GABPA: variants seen among roughly 807,000 people sequenced by gnomAD.
GABPA encodes the protein GA binding protein transcription factor subunit alpha, also known as GA-binding protein alpha chain.
GABPA carries 4 observed loss-of-function variants against 59.4 expected under a neutral mutation model. That is an observed-to-expected ratio of 0.07 (90% CI 0.03 to 0.15). The LOEUF (loss-of-function observed/expected upper bound fraction) is 0.15. Among genes scored for constraint, GABPA ranks in the 10% least tolerant of loss-of-function variants. GABPA has a pLI of 1.00. For missense variants in GABPA, 251 were observed against 543.8 expected, an observed-to-expected ratio of 0.46 and a Z score of 5.36; for synonymous variants, 164 against 183.1, an observed-to-expected ratio of 0.90 and a Z score of 0.84.
chr21:25,770,380 GA>G lies in GABPA; in HGVS notation c.*1153del, dbSNP rs1365693079. On this transcript the variant is annotated 3_prime_UTR_variant, in exon 10 of 10. Transcript: ENST00000400075. ...TATGAAGGCATAAAGATATACAGAA[GA>G]AAAATTATTAAACAACTCATTTTAA... 1.3e-5 allele frequency: 2 copies of G among 152,070 alleles called. No individual in the cohort carries two copies. The highest frequency in any genetic ancestry group is 2.9e-5 in the Non-Finnish European group (2 of 67,948). The allele number at this position is 152,070 out of a possible 1,614,324, so 9.4% of individuals were successfully genotyped here. A position where few individuals can be genotyped will look rare whatever the true frequency, so the allele number is the denominator to read the frequency against.
rs757936287 is a variant in GABPA at position 25,758,163 on chromosome 21, G to A, written c.707G>A (p.Arg236Gln). The stretch of plus-strand genomic sequence containing the variant: ...GAAGATTTTTTTCAGCGGGTTCCTC[G>A]GGGAGAAATTCTCTGGAGTCATCTG... ...NQEDFFQRVP[R>Q]GEILWSHLEL... Residue 236 changes from arginine (R) to glutamine (Q), a missense_variant, in exon 6 of 10, where the codon CGG (arginine) becomes CAG (glutamine). Coordinates refer to ENST00000400075, the MANE Select transcript of GABPA (RefSeq NM_002040.4). 5.6e-6 allele frequency: 9 copies of A among 1,607,588 alleles called. No individual in the cohort carries two copies. The highest frequency in any genetic ancestry group is 2.2e-5 in the East Asian group (1 of 44,498).
intron 2 of GABPA, among the ~76,000 whole-genome samples, chr21:25,743,305 C>A (rs1204017455): frequency 6.6e-6 from 1 of 152,168 alleles, no homozygotes; most frequent in East Asian, 1.9e-4. Flanking sequence ...GTCACACAGT[C>A]CAACCCTAGT....
chr21:25,753,995 A>G (rs1470451915), intron 5 of GABPA, among the ~76,000 whole-genome samples: 4 of 152,174 alleles, frequency 2.6e-5, no homozygotes, highest in Non-Finnish European at 5.9e-5. Context: ...AAAGAGAGCT[A>G]TGGAACCAGA....
At chr21:25,740,572 G>A (rs1192602265) in intron 1 of GABPA, among the ~76,000 whole-genome samples, 2 of 152,202 alleles carry the variant, frequency 1.3e-5, no homozygotes, top group Non-Finnish European at 2.9e-5. Context: ...TTAGCTATTT[G>A]TGTATTCTTT....
intron 4 of GABPA, among the ~76,000 whole-genome samples, chr21:25,751,284 T>C (rs1490208997): frequency 6.6e-6 from 1 of 151,386 alleles, no homozygotes; most frequent in Non-Finnish European, 1.5e-5. Context: ...TTTAAATGTG[T>C]TTTAAACTAT....
At chr21:25,749,713 C>G (rs1392176078) in intron 4 of GABPA, among the ~76,000 whole-genome samples, 2 of 152,164 alleles carry the variant, frequency 1.3e-5, no homozygotes, top group African/African-American at 4.8e-5. Flanking sequence ...TGCCTGTAAT[C>G]CCAGCTACTT....
chr21:25,761,569 G>A (rs1291238861), intron 6 of GABPA, among the ~76,000 whole-genome samples: 1 of 152,154 alleles, frequency 6.6e-6, no homozygotes, highest in East Asian at 1.9e-4. Flanking sequence ...GATTGCTGGA[G>A]GGTATAGTTT....
rs1366501537 is a variant in GABPA, at chr21:25,752,194, A to G, written c.513A>G (p.Glu171=). ...TGACAAGATGGGCTGCTGCACTGGA[A>G]GGCTATAGGAAAGAACAAGAACGCC... ...EQVTRWAAAL[E]GYRKEQERLG... Residue 171 remains glutamate, a synonymous_variant, in exon 5 of 10, where the codon GAA becomes GAG. Coordinates refer to ENST00000400075, the MANE Select transcript of GABPA (RefSeq NM_002040.4). The G allele has an allele frequency of 7.4e-6, 12 of 1,612,938 alleles. No homozygotes were observed. The highest frequency in any genetic ancestry group is 1.0e-5 in the Non-Finnish European group (12 of 1,179,444).
intron 5 of GABPA, among the ~76,000 whole-genome samples, chr21:25,754,631 T>C (rs2035590246): frequency 6.6e-6 from 1 of 152,226 alleles, no homozygotes; most frequent in South Asian, 2.1e-4. Flanking sequence ...TTTTTTAACT[T>C]TTAAAAAGCT....
intron 1 of GABPA, 175 bp downstream of exon 1, chr21:25,735,753 A>C (rs1188609222): frequency 2.8e-3 from 2 of 702 alleles, no homozygotes; most frequent in African/African-American, 5.6e-3. Context: ...CCGGGTGGGG[A>C]GGGGCGGGAG....
intron 6 of GABPA, among the ~76,000 whole-genome samples, chr21:25,760,170 A>C (rs542097669): frequency 2.0e-5 from 3 of 152,210 alleles, no homozygotes; most frequent in Non-Finnish European, 2.9e-5. Context: ...CTGCCGGGGT[A>C]GGGAAATCCC....
intron 1 of GABPA, among the ~76,000 whole-genome samples, chr21:25,738,419 GTCTAT>G (rs2035136163): frequency 6.6e-6 from 1 of 152,024 alleles, no homozygotes. Context: ...CCAGGCCATT[GTCTAT>G]TCCATCGTCA....
At chr21:25,743,975 C>T (rs976094009) in intron 2 of GABPA, among the ~76,000 whole-genome samples, 27 of 133,926 alleles carry the variant, frequency 2.0e-4, no homozygotes, top group African/African-American at 6.8e-4. Context: ...ACTCGGGAGG[C>T]GGAGGTTGTA....
chr21:25,737,565 G>T (rs1038892008), intron 1 of GABPA, among the ~76,000 whole-genome samples: 2 of 152,032 alleles, frequency 1.3e-5, no homozygotes, highest in African/African-American at 4.8e-5. Flanking sequence ...TTTTTTGAAA[G>T]ATCATAGGAT....
intron 6 of GABPA, among the ~76,000 whole-genome samples, chr21:25,761,258 CATG>C (rs774371984): frequency 1.3e-5 from 2 of 152,150 alleles, no homozygotes; most frequent in Non-Finnish European, 2.9e-5. Context: ...ACAATAACCT[CATG>C]AGGCAGTAAG....
rs2036001796 is a variant in GABPA at position 25,771,144 on chromosome 21, C to T, written c.*1912C>T. ...GTTTTAAAAAAATAATAAAGTATAC[C>T]CTTCTGGTATATCATCAAGAGCTTA... On this transcript the variant is annotated 3_prime_UTR_variant, in exon 10 of 10. Coordinates refer to ENST00000400075, the MANE Select transcript of GABPA (RefSeq NM_002040.4). The T allele has an allele frequency of 6.6e-6, 1 of 151,684 alleles. No homozygotes were observed. Among genetic ancestry groups the T allele is most frequent in the African/African-American group, 2.4e-5 (1 of 41,346 alleles). The allele number at this position is 151,684 out of a possible 1,614,324, so 9.4% of individuals were successfully genotyped here.
In GABPA at chr21:25,762,336, A is replaced by G. The variant is rs1481227179; in HGVS notation, c.773A>G (p.Gln258Arg). ...RKYVLASQEQ[Q>R]MNEIVTIDQP... ...GATGTATTGGCAAGTCAAGAACAAC[A>G]GATGAATGAAATAGTTACAATTGAT... The change falls in exon 7 of 10, where the codon CAG becomes CGG. Residue 258 changes from glutamine (Q) to arginine (R), a missense_variant. This residue lies in a region of GABPA where 207 missense variants were observed against 366.7 expected (regional missense o/e 0.56). Coordinates refer to ENST00000400075, the MANE Select transcript of GABPA (RefSeq NM_002040.4). The G allele has an allele frequency of 3.8e-6, 6 of 1,577,176 alleles. No homozygotes were observed. In the Admixed American group the frequency reaches 1.1e-4, roughly 29 times the overall value.
chr21:25,764,933 TA>T, intron 9 of GABPA, 146 bp downstream of exon 9: 1 of 548,264 alleles, frequency 1.8e-6, no homozygotes, highest in Middle Eastern at 5.1e-4. Flanking sequence ...AAAACCTTTT[TA>T]AAAAGATCTT....
At chr21:25,754,146 A>G (rs2035579158) in intron 5 of GABPA, among the ~76,000 whole-genome samples, 1 of 152,224 alleles carries the variant, frequency 6.6e-6, no homozygotes, top group South Asian at 2.1e-4. Flanking sequence ...AAAGTATAAA[A>G]TCTTTTCTAA....
Sources: gnomAD v4.1 joint callset for allele counts (sites outside exome capture counted in the v4.1 genomes callset) on GRCh38, gnomAD v4.1.1 for gene constraint, gnomAD v4.1.1 regional missense constraint, MANE v1.5 for transcripts, NCBI Gene and HGNC (gene_info 2026-07-23, HGNC 2026-07-21) for gene names.